CFAP45: variants seen among roughly 807,000 people sequenced by gnomAD.
CFAP45 encodes the protein cilia and flagella associated protein 45.
In CFAP45, 43 loss-of-function variants were observed where a neutral mutation model predicts 75.6. The observed-to-expected ratio is 0.57, with a 90% CI of 0.45 to 0.73. CFAP45 has a LOEUF of 0.73. CFAP45 is among the 30% of genes least tolerant of loss of function. CFAP45 has a pLI of 0.00. For missense variants in CFAP45, 689 were observed against 701.5 expected, an observed-to-expected ratio of 0.98 and a Z score of 0.20; for synonymous variants, 223 against 244.6, an observed-to-expected ratio of 0.91 and a Z score of 0.82.
intron 1 of CFAP45, among the ~76,000 whole-genome samples, chr1:159,899,462 CTTTTTTTTTTTTTT>C (rs57828010): frequency 0.025 from 1,520 of 60,742 alleles, 45 homozygotes; most frequent in African/African-American, 0.092. Context: ...CTCACCAGTG[CTTTTTTTTTTTTTT>C]TTTTTTTTTG....
chr1:159,879,967 C>G (rs116187148), intron 8 of CFAP45, among the ~76,000 whole-genome samples: 1 of 152,188 alleles, frequency 6.6e-6, no homozygotes, highest in African/African-American at 2.4e-5. Flanking sequence ...CTCCAATCCC[C>G]GTAGATCCCA....
In CFAP45 at chr1:159,872,482, C is replaced by G. The variant is rs772561764; in HGVS notation, c.*3G>C. 1.2e-6 allele frequency: 2 copies of G among 1,612,756 alleles called. No homozygotes were observed. Among genetic ancestry groups the G allele is most frequent in the Non-Finnish European group, 1.7e-6 (2 of 1,178,710 alleles). ...GGCATCCTGAGGGCCACGAAGGCTC[C>G]CCTCAGTTCACAGAGGTAGCTGGCA... On this transcript the variant is annotated 3_prime_UTR_variant, in exon 12 of 12. Coordinates refer to ENST00000368099, the MANE Select transcript of CFAP45 (RefSeq NM_012337.3).
chr1:159,879,659 T>C (rs900022057), intron 8 of CFAP45, among the ~76,000 whole-genome samples: 3 of 152,186 alleles, frequency 2.0e-5, no homozygotes, highest in African/African-American at 7.2e-5. Context: ...AGCCAATAAG[T>C]GAGCTTCGCT....
chr1:159,873,136 A>C lies in CFAP45; in HGVS notation c.1385T>G (p.Leu462Arg), dbSNP rs768407933. The change falls in exon 11 of 12, where the codon CTG becomes CGG. Residue 462 changes from leucine to arginine, a missense_variant. Leu to Arg is a moderately radical substitution (Grantham distance 102, BLOSUM62 -2). Coordinates refer to ENST00000368099, the MANE Select transcript of CFAP45 (RefSeq NM_012337.3). Reference sequence around the variant, plus strand: ...CCCTGTGGCCTTTTTCTCCTCCTCCAGCCGCTCCTTCTCAATCTGTTCTCT... The same window carrying C: ...CCCTGTGGCCTTTTTCTCCTCCTCCCGCCGCTCCTTCTCAATCTGTTCTCT... ...AQREQIEKER[L>R]EEEKKATGRL... 229 of 1,613,688 alleles carry C rather than the reference A, an allele frequency of 1.4e-4. 1 individual carries two copies. In the South Asian group the frequency reaches 2.1e-3, roughly 15 times the overall value.
rs1380451659 is a variant in CFAP45 at position 159,872,484 on chromosome 1, C to T, written c.*1G>A. 2.5e-6 allele frequency: 4 copies of T among 1,613,998 alleles called. No individual in the cohort carries two copies. In the South Asian group the frequency reaches 4.4e-5, roughly 18 times the overall value. On this transcript the variant is annotated 3_prime_UTR_variant, in exon 12 of 12. Coordinates refer to ENST00000368099, the MANE Select transcript of CFAP45 (RefSeq NM_012337.3). ...CATCCTGAGGGCCACGAAGGCTCCC[C>T]TCAGTTCACAGAGGTAGCTGGCAGG...
At chr1:159,875,066 C>T (rs1649365096) in intron 10 of CFAP45, among the ~76,000 whole-genome samples, 1 of 152,170 alleles carries the variant, frequency 6.6e-6, no homozygotes, top group African/African-American at 2.4e-5. Context: ...GACACTAGGC[C>T]TAGATACTAA....
chr1:159,890,384 C>A, intron 3 of CFAP45, 96 bp downstream of exon 3: 2 of 1,175,356 alleles, frequency 1.7e-6, no homozygotes, highest in Non-Finnish European at 2.5e-6. Context: ...ATTGGACTGA[C>A]AGAATGAAAC....
At position 159,898,663 on chromosome 1, in the gene CFAP45, A is replaced by G. The variant is rs891565342; in HGVS notation, c.3+1433T>C. 5.9e-5 allele frequency among the ~76,000 whole-genome samples: 9 copies of G among 152,308 alleles called. No homozygotes were observed. In the East Asian group the frequency reaches 1.4e-3, roughly 23 times the overall value. On this transcript the variant is annotated intron_variant, in intron 1 of 11. Transcript: ENST00000368099. ...CTTGCCCAGGTGCAACTTATGCCCT[A>G]TGAGAGCTTGGAAATAGGAAATTTT...
intron 5 of CFAP45, 74 bp downstream of exon 5, chr1:159,887,767 C>G: frequency 3.8e-6 from 4 of 1,045,246 alleles, no homozygotes; most frequent in Non-Finnish European, 4.1e-6. Flanking sequence ...CTGGCCTTGT[C>G]CAGTGCGGGA....
At chr1:159,893,449 G>T in intron 1 of CFAP45, 144 bp from the exon 2 acceptor site, 2 of 750,142 alleles carry the variant, frequency 2.7e-6, no homozygotes, top group Non-Finnish European at 4.5e-6. Context: ...TGTAAACTCT[G>T]AACCATAGGG....
intron 2 of CFAP45, among the ~76,000 whole-genome samples, chr1:159,891,173 C>A (rs2101850639): frequency 6.6e-6 from 1 of 152,280 alleles, no homozygotes; most frequent in African/African-American, 2.4e-5. Flanking sequence ...AGTCTAAAAT[C>A]ATCAGGAATT....
intron 1 of CFAP45, among the ~76,000 whole-genome samples, chr1:159,897,301 T>C (rs905201487): frequency 1.3e-5 from 2 of 148,428 alleles, no homozygotes; most frequent in African/African-American, 5.0e-5. Flanking sequence ...TAAGTATTCT[T>C]GGCCAGGCAT....
intron 3 of CFAP45, 79 bp from the exon 4 acceptor site, chr1:159,888,575 C>T (rs1253672345): frequency 1.5e-6 from 2 of 1,345,418 alleles, no homozygotes; most frequent in African/African-American, 2.9e-5. Context: ...CTGCTCTCTT[C>T]CCCTCTTCCC....
chr1:159,872,882 C>A, intron 11 of CFAP45, 62 bp downstream of exon 11: 1 of 1,505,140 alleles, frequency 6.6e-7, no homozygotes, highest in Admixed American at 1.7e-5. Flanking sequence ...GCTTTCCAGC[C>A]TGTGGTGCCA....
chr1:159,872,848 G>T, intron 11 of CFAP45, 96 bp downstream of exon 11: 1 of 1,212,854 alleles, frequency 8.2e-7, no homozygotes, highest in Non-Finnish European at 1.2e-6. Flanking sequence ...TCTCTGCCAT[G>T]GCCCTTCACC....
chr1:159,890,499 C>T lies in CFAP45; in HGVS notation c.253G>A (p.Asp85Asn). Residue 85 changes from aspartate to asparagine, a missense_variant, in exon 3 of 12, where the codon GAC becomes AAC. By Grantham distance (23) the Asp-to-Asn change is conservative. Coordinates refer to ENST00000368099, the MANE Select transcript of CFAP45 (RefSeq NM_012337.3). The part of the protein sequence containing the change: ...KPETIQLITR[D>N]MVRELIVPTE... ...ACTCACATGAGTTCTCGGACCATGT[C>T]CCGGGTGATGAGCTGGATGGTCTCT... 6.2e-7 allele frequency: 1 copy of T among 1,614,114 alleles called. No homozygotes were observed.
chr1:159,898,145 A>G (rs540909087), intron 1 of CFAP45: 1 of 985,358 alleles, frequency 1.0e-6, no homozygotes, highest in Non-Finnish European at 1.2e-6. Context: ...GCCTGGTTCT[A>G]CTTCCCTTTC....
chr1:159,896,987 G>T (rs999620482), intron 1 of CFAP45, among the ~76,000 whole-genome samples: 2 of 152,190 alleles, frequency 1.3e-5, no homozygotes, highest in African/African-American at 4.8e-5. Flanking sequence ...CATAAGGCTG[G>T]GTGCAGTAGC....
intron 7 of CFAP45, 91 bp downstream of exon 7, chr1:159,884,345 G>T (rs1571183829): frequency 2.9e-6 from 4 of 1,368,026 alleles, no homozygotes; most frequent in Non-Finnish European, 3.9e-6. Flanking sequence ...GTGCCTGGCA[G>T]AAAATCAGTC....
Sources: gnomAD v4.1 joint callset for allele counts (sites outside exome capture counted in the v4.1 genomes callset) on GRCh38, gnomAD v4.1.1 for gene constraint, MANE v1.5 for transcripts, NCBI Gene and HGNC (gene_info 2026-07-23, HGNC 2026-07-21) for gene names.